Variants in MAD1L1 observed in about 807,000 individuals in gnomAD.
MAD1L1 encodes mitotic arrest deficient 1 like 1.
MAD1L1 carries 95 observed loss-of-function variants against 96.9 expected under a neutral mutation model. The ratio of observed to expected loss-of-function variants is 0.98; its 90% CI spans 0.83 to 1.16. MAD1L1 has a LOEUF of 1.16. Ranked by LOEUF, MAD1L1 falls within the 50% of genes most tolerant of loss-of-function variation. The pLI, the probability that MAD1L1 is intolerant of heterozygous loss-of-function variation, is 0.00. For missense variants in MAD1L1, 1,007 were observed against 954.4 expected (o/e 1.06, Z -0.73); for synonymous variants, 473 against 396.6 (o/e 1.19, Z -2.29).
At chr7:1,912,230 C>T (rs1394395389) in intron 17 of MAD1L1, among the ~76,000 whole-genome samples, 2 of 152,222 alleles carry the variant, frequency 1.3e-5, no homozygotes, top group African/African-American at 2.4e-5. Flanking sequence ...AACCGCAAGG[C>T]CAGCCCTGTC....
intron 18 of MAD1L1, among the ~76,000 whole-genome samples, chr7:1,863,393 C>T (rs1046414665): frequency 2.6e-5 from 4 of 152,208 alleles, no homozygotes; most frequent in Non-Finnish European, 4.4e-5. Flanking sequence ...GCGGCACGGC[C>T]GTCACAAGGC....
chr7:1,838,089 G>A (rs1783032397), intron 18 of MAD1L1, among the ~76,000 whole-genome samples: 1 of 152,206 alleles, frequency 6.6e-6, no homozygotes, highest in South Asian at 2.1e-4. Context: ...CCCCGTGCAG[G>A]GGCTGCAGTC....
chr7:2,125,233 T>C (rs1788175874), intron 11 of MAD1L1, among the ~76,000 whole-genome samples: 1 of 151,536 alleles, frequency 6.6e-6, no homozygotes, highest in Admixed American at 6.6e-5. Context: ...CAGCAGGTCC[T>C]GGACCCAAGG....
intron 18 of MAD1L1, among the ~76,000 whole-genome samples, chr7:1,840,022 G>A (rs1783160420): frequency 6.6e-6 from 1 of 152,224 alleles, no homozygotes; most frequent in South Asian, 2.1e-4. Flanking sequence ...CCTGCAGCGG[G>A]GCCCAGCACG....
At position 2,088,730 on chromosome 7, in the gene MAD1L1, A is replaced by G. The variant is rs1178619187; in HGVS notation, c.1074-19392T>C. ...ACCGACGGAGCCGGGCCATCTCTCA[A>G]GTACAACCTAGACGCCCTCAACTCC... On this transcript the variant is annotated intron_variant, in intron 11 of 18. Transcript: ENST00000265854. This position sits in a 1 kb window ranked among gnomAD's most constrained non-coding sequence, Gnocchi z 4.4. 1.3e-5 allele frequency: 2 copies of G among 152,410 alleles called. No individual in the cohort carries two copies. Among genetic ancestry groups the G allele is most frequent in the Non-Finnish European group, 2.9e-5 (2 of 68,194 alleles). 9.4% of individuals were successfully genotyped at this position (152,410 alleles called of 1,614,324 possible).
chr7:2,047,377 T>A (rs2128515056), intron 12 of MAD1L1, among the ~76,000 whole-genome samples: 1 of 152,330 alleles, frequency 6.6e-6, no homozygotes, highest in African/African-American at 2.4e-5. Flanking sequence ...GGTGTTTTAT[T>A]GGGGGCAGTT....
chr7:1,943,715 G>C (rs1319981147), intron 16 of MAD1L1, among the ~76,000 whole-genome samples: 1 of 152,044 alleles, frequency 6.6e-6, no homozygotes. Flanking sequence ...ATGTGATCCA[G>C]CAGGCCCAGT....
At chr7:1,990,527 G>T (rs1159351312) in intron 14 of MAD1L1, among the ~76,000 whole-genome samples, 2 of 152,256 alleles carry the variant, frequency 1.3e-5, no homozygotes, top group Non-Finnish European at 2.9e-5. Flanking sequence ...GAGCACAGAT[G>T]TGCGCCTGAG....
chr7:1,829,866 G>A lies in MAD1L1; in HGVS notation c.1999-13638C>T, dbSNP rs1292580850. Among the ~76,000 whole-genome samples the A allele has an allele frequency of 2.0e-5, 3 of 152,284 alleles. No homozygotes were observed. In the East Asian group the frequency reaches 5.8e-4, roughly 29 times the overall value. On this transcript the variant is annotated intron_variant, in intron 18 of 18. Transcript: ENST00000265854. ...AACTGACCGACAGAGGAACAAAGAT[G>A]AGAATGACAGCAGACTTCTCAGAGG... is the stretch of plus-strand genomic sequence containing the variant.
At chr7:2,038,948 C>T (rs763793163) in intron 12 of MAD1L1, among the ~76,000 whole-genome samples, 5 of 152,180 alleles carry the variant, frequency 3.3e-5, no homozygotes, top group Admixed American at 1.3e-4. Context: ...TATCACAACC[C>T]GTATGCCGAC....
At chr7:2,214,307 C>T (rs568485771) in intron 9 of MAD1L1, among the ~76,000 whole-genome samples, 2 of 152,308 alleles carry the variant, frequency 1.3e-5, no homozygotes, top group African/African-American at 4.8e-5. Context: ...GAAAAGATGT[C>T]GCATGGGAGC....
chr7:1,867,601 C>A (rs543718566), intron 18 of MAD1L1, among the ~76,000 whole-genome samples: 14 of 152,370 alleles, frequency 9.2e-5, no homozygotes, highest in Admixed American at 9.1e-4. Flanking sequence ...CAGCACTCTG[C>A]CAGATTCTAC....
intron 9 of MAD1L1, among the ~76,000 whole-genome samples, chr7:2,215,677 C>G (rs968911452): frequency 2.0e-5 from 3 of 152,210 alleles, no homozygotes; most frequent in African/African-American, 7.2e-5. Flanking sequence ...GACCAGTCAC[C>G]TCATTCGCCC....
intron 11 of MAD1L1, among the ~76,000 whole-genome samples, chr7:2,115,379 G>A (rs1280162998): frequency 2.7e-5 from 4 of 150,132 alleles, no homozygotes; most frequent in African/African-American, 9.9e-5. Context: ...CGTGTTCCGG[G>A]GTCAGAGGAG....
At chr7:1,862,687 T>C (rs1784590092) in intron 18 of MAD1L1, among the ~76,000 whole-genome samples, 1 of 152,228 alleles carries the variant, frequency 6.6e-6, no homozygotes, top group African/African-American at 2.4e-5. Context: ...GTTATTTACT[T>C]AGTATTTTCT....
At chr7:2,209,159 T>C (rs1259183605) in intron 10 of MAD1L1, among the ~76,000 whole-genome samples, 1 of 152,124 alleles carries the variant, frequency 6.6e-6, no homozygotes, top group Non-Finnish European at 1.5e-5. Context: ...GTGTGACACA[T>C]AAGGACCTCG....
chr7:2,006,866 G>A (rs1782055905), intron 13 of MAD1L1, among the ~76,000 whole-genome samples: 1 of 152,194 alleles, frequency 6.6e-6, no homozygotes, highest in Admixed American at 6.5e-5. Context: ...TGGACAAGCT[G>A]TAGGAACCAG....
intron 11 of MAD1L1, among the ~76,000 whole-genome samples, chr7:2,101,938 G>T (rs1397166780): frequency 1.3e-5 from 2 of 152,190 alleles, no homozygotes; most frequent in Non-Finnish European, 2.9e-5. Flanking sequence ...GGGCTCTGCA[G>T]CTGGGAAGAC....
chr7:1,906,847 C>A (rs945297739), intron 17 of MAD1L1, among the ~76,000 whole-genome samples: 3 of 152,252 alleles, frequency 2.0e-5, no homozygotes, highest in Non-Finnish European at 2.9e-5. Context: ...CAAGCAAGCA[C>A]ACACACAGCG....
Sources: allele counts gnomAD v4.1 joint callset (sites outside exome capture counted in the v4.1 genomes callset), GRCh38; gene constraint gnomAD v4.1.1; non-coding constraint Gnocchi (gnomAD v3.1); transcripts MANE v1.5; gene names NCBI Gene and HGNC (gene_info 2026-07-23, HGNC 2026-07-21).